NRG1: variants seen among roughly 807,000 people sequenced by gnomAD.
NRG1 encodes the protein pro-neuregulin-1, membrane-bound isoform.
A neutral mutation model predicts 63.8 loss-of-function variants in NRG1; 18 were observed. The ratio of observed to expected loss-of-function variants is 0.28; its 90% CI spans 0.19 to 0.42. The LOEUF (loss-of-function observed/expected upper bound fraction) is 0.42, where lower values mean the gene tolerates loss of function less well. NRG1 is among the 10% of genes least tolerant of loss of function. The pLI, the probability that NRG1 is intolerant of heterozygous loss-of-function variation, is 1.00. For synonymous variants in NRG1, 302 were observed against 301.3 expected, an observed-to-expected ratio of 1.00 and a Z score of -0.02; for missense variants, 762 against 814.7, an observed-to-expected ratio of 0.94 and a Z score of 0.79.
intron 1 of NRG1, among the ~76,000 whole-genome samples, chr8:32,553,404 T>C (rs1224463085): frequency 3.3e-5 from 5 of 152,152 alleles, no homozygotes; most frequent in African/African-American, 9.7e-5. Context: ...AAAGCTGACC[T>C]CAGATTACAG....
intron 1 of NRG1, among the ~76,000 whole-genome samples, chr8:32,194,419 T>A (rs1047165900): frequency 6.6e-6 from 1 of 152,156 alleles, no homozygotes; most frequent in Admixed American, 6.6e-5. Context: ...ATAGCAAGAA[T>A]GGCATGCCAC....
chr8:31,864,184 T>A (rs1173471851), intron 1 of NRG1, among the ~76,000 whole-genome samples: 1 of 152,154 alleles, frequency 6.6e-6, no homozygotes, highest in Non-Finnish European at 1.5e-5. Context: ...AATTCATGAA[T>A]TCATTCATGC....
chr8:32,742,138 G>A lies in NRG1; in HGVS notation c.633-537G>A. 2 of 1,348,968 alleles carry A rather than the reference G, an allele frequency of 1.5e-6. No homozygotes were observed. Among genetic ancestry groups the A allele is most frequent in the East Asian group, 2.3e-5 (1 of 43,214 alleles). 83.6% of individuals were successfully genotyped at this position (1,348,968 alleles called of 1,614,324 possible). A position where few individuals can be genotyped will look rare whatever the true frequency, so the allele number is the denominator to read the frequency against. On this transcript the variant is annotated intron_variant, in intron 6 of 11. Coordinates refer to ENST00000356819, the Ensembl canonical transcript of NRG1. This position sits in a 1 kb window ranked among gnomAD's most constrained non-coding sequence, Gnocchi z 4.2. ...ACTACAGCAACAATCACTACCACTT[G>A]GTGCTTTTACAGCTCAGTCGTAACT...
intron 1 of NRG1, among the ~76,000 whole-genome samples, chr8:31,819,138 C>T (rs1823758092): frequency 6.6e-6 from 1 of 152,056 alleles, no homozygotes; most frequent in African/African-American, 2.4e-5. Flanking sequence ...ACTTGGTGGG[C>T]TGAGGCAGGA....
At chr8:32,671,609 A>G (rs532290311) in intron 5 of NRG1, among the ~76,000 whole-genome samples, 1 of 152,308 alleles carries the variant, frequency 6.6e-6, no homozygotes, top group South Asian at 2.1e-4. Flanking sequence ...CATGCAACCA[A>G]TTTCTTCCAC....
intron 1 of NRG1, among the ~76,000 whole-genome samples, chr8:32,445,312 G>A (rs1470617185): frequency 2.0e-5 from 3 of 151,470 alleles, no homozygotes; most frequent in Admixed American, 6.6e-5. Context: ...TTTTTTTTCC[G>A]AATACCTTTT....
At chr8:31,993,368 A>C (rs375060481) in intron 1 of NRG1, among the ~76,000 whole-genome samples, 2 of 151,874 alleles carry the variant, frequency 1.3e-5, no homozygotes, top group East Asian at 3.9e-4. Flanking sequence ...CTTGGACTCT[A>C]ATATGGTTTG....
At chr8:32,537,321 T>C (rs1832109532) in intron 1 of NRG1, among the ~76,000 whole-genome samples, 2 of 152,028 alleles carry the variant, frequency 1.3e-5, no homozygotes, top group African/African-American at 4.8e-5. Flanking sequence ...GTTGGTTCAT[T>C]GTCTTCCATC....
At chr8:31,732,748 A>T (rs1278616904) in intron 1 of NRG1, among the ~76,000 whole-genome samples, 1 of 152,100 alleles carries the variant, frequency 6.6e-6, no homozygotes, top group Non-Finnish European at 1.5e-5. Flanking sequence ...TACAAAAATT[A>T]GCCGGGCATG....
intron 1 of NRG1, among the ~76,000 whole-genome samples, chr8:32,525,502 A>C (rs35425166): frequency 0.055 from 8,273 of 151,294 alleles, 304 homozygotes; most frequent in Middle Eastern, 0.086. Flanking sequence ...CATCATTCCA[A>C]ATGTAGGCTT....
chr8:32,676,791 GATA>G (rs1464427219), intron 5 of NRG1, among the ~76,000 whole-genome samples: 1 of 152,160 alleles, frequency 6.6e-6, no homozygotes, highest in East Asian at 1.9e-4. Context: ...ACGTGGTACT[GATA>G]GGAGGAACAA....
intron 1 of NRG1, among the ~76,000 whole-genome samples, chr8:31,819,364 G>A (rs1194566504): frequency 6.6e-6 from 1 of 152,176 alleles, no homozygotes; most frequent in Non-Finnish European, 1.5e-5. Context: ...TAAACTCCTA[G>A]ACTCTGTATG....
chr8:32,578,158 A>C (rs2439298), intron 1 of NRG1, among the ~76,000 whole-genome samples: 104,601 of 151,830 alleles, frequency 0.69, 36,545 homozygotes, highest in East Asian at 0.83. Flanking sequence ...CCACGCCCGG[A>C]TAATTTTTTG....
chr8:32,172,716 G>C (rs529207520), intron 1 of NRG1, among the ~76,000 whole-genome samples: 1 of 152,224 alleles, frequency 6.6e-6, no homozygotes, highest in East Asian at 1.9e-4. Context: ...TAGCTGATTT[G>C]ATCAACTGGA....
chr8:32,148,184 C>T (rs1837106661), intron 1 of NRG1, among the ~76,000 whole-genome samples: 1 of 152,072 alleles, frequency 6.6e-6, no homozygotes, highest in Non-Finnish European at 1.5e-5. Flanking sequence ...TAAATATACC[C>T]ATTTCAAATA....
At chr8:32,599,257 AG>A (rs1389213051) in intron 2 of NRG1, among the ~76,000 whole-genome samples, 2 of 152,096 alleles carry the variant, frequency 1.3e-5, no homozygotes, top group Non-Finnish European at 2.9e-5. Context: ...ACTTTTTCTT[AG>A]GCTATGATCA....
chr8:32,691,360 AAAAC>A (rs1006494192), intron 5 of NRG1, among the ~76,000 whole-genome samples: 8 of 152,136 alleles, frequency 5.3e-5, no homozygotes, highest in East Asian at 1.9e-4. Context: ...CTCAAAAAAC[AAAAC>A]AAACAAACAA....
chr8:31,834,305 G>GCACA (rs1554547004), intron 1 of NRG1, among the ~76,000 whole-genome samples: 122 of 144,364 alleles, frequency 8.5e-4, no homozygotes, highest in East Asian at 7.5e-3. Context: ...GCGCGCACGC[G>GCACA]CGCACACACA....
intron 1 of NRG1, among the ~76,000 whole-genome samples, chr8:32,280,854 G>C (rs1245708190): frequency 6.8e-6 from 1 of 147,006 alleles, no homozygotes; most frequent in African/African-American, 2.5e-5. Flanking sequence ...CCACCTCCTG[G>C]GTTCATGCTA....
Sources: allele counts gnomAD v4.1 joint callset (sites outside exome capture counted in the v4.1 genomes callset), GRCh38; gene constraint gnomAD v4.1.1; non-coding constraint Gnocchi (gnomAD v3.1); transcripts MANE v1.5; gene names NCBI Gene and HGNC (gene_info 2026-07-23, HGNC 2026-07-21).